PIGQ: variants seen among roughly 807,000 people sequenced by gnomAD.
PIGQ encodes phosphatidylinositol glycan anchor biosynthesis class Q.
Under a neutral mutation model 60.3 loss-of-function variants are expected in PIGQ, and 54 were observed. The ratio of observed to expected loss-of-function variants is 0.90; its 90% CI spans 0.72 to 1.12. The LOEUF is 1.12. Ranked by LOEUF, PIGQ falls within the 50% of genes most tolerant of loss-of-function variation. The pLI, the probability that PIGQ is intolerant of heterozygous loss-of-function variation, is 0.00. For synonymous variants in PIGQ, 416 were observed against 363.7 expected (o/e 1.14, Z -1.64); for missense variants, 799 against 793.5 (o/e 1.01, Z -0.08).
At position 576,186 on chromosome 16, in the gene PIGQ, C is replaced by A; in HGVS notation, c.874C>A (p.Leu292Met). 1.3e-6 allele frequency: 2 copies of A among 1,549,882 alleles called. No individual in the cohort carries two copies. Among genetic ancestry groups the A allele is most frequent in the Non-Finnish European group, 1.7e-6 (2 of 1,147,004 alleles). The change falls in exon 4 of 11, where the codon CTG (leucine) becomes ATG (methionine). Residue 292 changes from leucine to methionine, a missense_variant. Transcript: ENST00000321878. The stretch of plus-strand genomic sequence containing the variant: ...GCTGGACGTGGCCCTGGGCCTCATG[C>A]TGCTGTCCTGGCTCCACGGGAGAAG... ...VLLDVALGLM[L>M]LSWLHGRSRI...
chr16:574,559 T>G lies in PIGQ; in HGVS notation c.485T>G (p.Leu162Arg). 1.2e-6 allele frequency: 2 copies of G among 1,603,828 alleles called. No homozygotes were observed. The highest frequency in any genetic ancestry group is 1.7e-6 in the Non-Finnish European group (2 of 1,175,800). Reference sequence around the variant, plus strand: ...GCCACCACTGCCAGCACGGGGGGCCTGGCTGCCGTCTTCGACACGGTAGCA... The same window carrying G: ...GCCACCACTGCCAGCACGGGGGGCCGGGCTGCCGTCTTCGACACGGTAGCA... ...AGATTASTGG[L>R]AAVFDTVARS... Residue 162 changes from leucine (L) to arginine (R), a missense_variant, in exon 2 of 11, where the codon CTG becomes CGG. Physicochemically the swap from Leu to Arg is moderately radical, Grantham distance 102. Coordinates refer to ENST00000321878, the MANE Select transcript of PIGQ (RefSeq NM_004204.5).
At chr16:576,519 G>A (rs963535158) in intron 4 of PIGQ, 58 of 566,208 alleles carry the variant, frequency 1.0e-4, no homozygotes, top group African/African-American at 6.7e-4. Flanking sequence ...TGGGGAGCCC[G>A]CCTCTCCCTG....
At chr16:574,043 G>C (rs554432770) in intron 1 of PIGQ, 23 bp from the exon 2 acceptor site, 2 of 1,536,322 alleles carry the variant, frequency 1.3e-6, no homozygotes, top group South Asian at 1.2e-5. Context: ...GCTCTGAGCC[G>C]AGCCTCTCCT....
chr16:578,355 A>AGCGTGGCCCCTGTGTCCCTGCAGC (rs1567176399), intron 4 of PIGQ, 24 bp from the exon 5 acceptor site: 5 of 1,599,334 alleles, frequency 3.1e-6, no homozygotes, highest in Admixed American at 1.7e-5. Flanking sequence ...CCCCCGCCCC[A>AGCGTGGCCCCTGTGTCCCTGCAGC]GCGTGGCCCC....
intron 1 of PIGQ, chr16:572,636 C>T: frequency 2.2e-6 from 1 of 455,622 alleles, no homozygotes. Flanking sequence ...GTGGTGGGCT[C>T]TGAGACCTCC....
chr16:582,552 T>C (rs2035830587), intron 10 of PIGQ: 1 of 568,406 alleles, frequency 1.8e-6, no homozygotes. Flanking sequence ...CGCCCTTGGC[T>C]GGCTGGGGCT....
At chr16:579,048 C>A in intron 6 of PIGQ, 21 bp from the exon 7 acceptor site, 1 of 1,602,846 alleles carries the variant, frequency 6.2e-7, no homozygotes, top group Non-Finnish European at 8.5e-7. Context: ...GGGCCGGGCC[C>A]GACAGCACTG....
At chr16:577,647 A>G (rs1220638515) in intron 4 of PIGQ, among the ~76,000 whole-genome samples, 1 of 151,602 alleles carries the variant, frequency 6.6e-6, no homozygotes, top group Non-Finnish European at 1.5e-5. Flanking sequence ...GCCTTGGCCC[A>G]GGCTTGGAAG....
At chr16:575,247 T>G (rs1390669566) in intron 2 of PIGQ, among the ~76,000 whole-genome samples, 2 of 152,162 alleles carry the variant, frequency 1.3e-5, no homozygotes, top group Non-Finnish European at 2.9e-5. Context: ...AGGCCCTGCT[T>G]CTCTCCACAA....
At chr16:576,358 C>T (rs1406031266) in intron 4 of PIGQ, 104 bp downstream of exon 4, 38 of 1,302,990 alleles carry the variant, frequency 2.9e-5, no homozygotes, top group Non-Finnish European at 3.9e-5. Context: ...AAAGCCAGTT[C>T]TACCTTCTCC....
intron 6 of PIGQ, 38 bp downstream of exon 6, chr16:578,976 A>T: frequency 8.6e-7 from 1 of 1,156,836 alleles, no homozygotes; most frequent in Non-Finnish European, 1.1e-6. Context: ...GCCCCCTGGG[A>T]GGTGCAGAGG....
rs2035849697 is a variant in PIGQ at position 583,520 on chromosome 16, T to C, written c.*485T>C. 2 of 1,612,570 alleles carry C rather than the reference T, an allele frequency of 1.2e-6. No individual in the cohort carries two copies. The highest frequency in any genetic ancestry group is 1.7e-4 in the Middle Eastern group (1 of 6,060). ...TAGCTCCCTCAGCCGAACAGCACCC[T>C]GCATCTGGGGGATTGAAGCAGTCGC... On this transcript the variant is annotated 3_prime_UTR_variant, in exon 11 of 11. Coordinates refer to ENST00000321878, the MANE Select transcript of PIGQ (RefSeq NM_004204.5).
chr16:582,543 G>A, intron 10 of PIGQ: 3 of 568,976 alleles, frequency 5.3e-6, no homozygotes, highest in Non-Finnish European at 6.2e-6. Context: ...TGTCGGAGGC[G>A]CCCTTGGCTG....
intron 7 of PIGQ, chr16:579,970 G>A: frequency 2.2e-6 from 1 of 462,770 alleles, no homozygotes; most frequent in Non-Finnish European, 3.9e-6. Flanking sequence ...GGGTGGTCTG[G>A]CCCCCACCTG....
At position 583,978 on chromosome 16, in the gene PIGQ, G is replaced by T; in HGVS notation, c.*943G>T. Reference sequence around the variant, plus strand: ...GAGCCTGCAGGTGCCGGCTGGTGAGGGGATGACGCGCTGTGGGTGGGAGGA... The same window carrying T: ...GAGCCTGCAGGTGCCGGCTGGTGAGTGGATGACGCGCTGTGGGTGGGAGGA... On this transcript the variant is annotated 3_prime_UTR_variant, in exon 11 of 11. Transcript: ENST00000321878. 2.5e-6 allele frequency: 1 copy of T among 397,860 alleles called. No homozygotes were observed. The highest frequency in any genetic ancestry group is 4.8e-6 in the Non-Finnish European group (1 of 207,390). 24.6% of individuals were successfully genotyped at this position (397,860 alleles called of 1,614,324 possible). A position where few individuals can be genotyped will look rare whatever the true frequency, so the allele number is the denominator to read the frequency against.
intron 9 of PIGQ, 27 bp from the exon 10 acceptor site, chr16:582,221 C>T: frequency 6.6e-7 from 1 of 1,520,432 alleles, no homozygotes. Flanking sequence ...CACGCGTCCC[C>T]TCGTCAGCCG....
chr16:578,932 G>C lies in PIGQ; in HGVS notation c.1217G>C (p.Gly406Ala). 6.2e-7 allele frequency: 1 copy of C among 1,608,876 alleles called. No individual in the cohort carries two copies. The highest frequency in any genetic ancestry group is 8.5e-7 in the Non-Finnish European group (1 of 1,178,776). The change falls in exon 6 of 11, where the codon GGA (glycine) becomes GCA (alanine). Residue 406 changes from glycine to alanine, a missense_variant. Coordinates refer to ENST00000321878, the MANE Select transcript of PIGQ (RefSeq NM_004204.5). Reference sequence around the variant, plus strand: ...CACATCTACTGCTTTTACGTCTATGGAGCCAGGTGGGCGTGGGCTTCCCCC... The same window carrying C: ...CACATCTACTGCTTTTACGTCTATGCAGCCAGGTGGGCGTGGGCTTCCCCC... ...TFHIYCFYVY[G>A]ARLYCLKIHG...
chr16:579,167 A>G lies in PIGQ; in HGVS notation c.1322A>G (p.Tyr441Cys), dbSNP rs1286958837. The change falls in exon 7 of 11, where the codon TAT becomes TGT. Residue 441 changes from tyrosine (Y) to cysteine (C), a missense_variant. By Grantham distance (194) the Tyr-to-Cys change is radical (BLOSUM62 -2). Coordinates refer to ENST00000321878, the MANE Select transcript of PIGQ (RefSeq NM_004204.5). ...VLRQRVDSCS[Y>C]DLDQLFIGTL... ...CGCCAGCGCGTGGACTCCTGTTCCT[A>G]TGACCTGGACCAGGTATGGGGCAGG... 6.2e-7 allele frequency: 1 copy of G among 1,612,234 alleles called. No individual in the cohort carries two copies. Among genetic ancestry groups the G allele is most frequent in the East Asian group, 2.2e-5 (1 of 44,828 alleles).
chr16:576,050 C>T, intron 3 of PIGQ, 80 bp downstream of exon 3: 1 of 1,545,310 alleles, frequency 6.5e-7, no homozygotes, highest in Non-Finnish European at 8.7e-7. Flanking sequence ...ACCACGCTGA[C>T]CCCTCCGGCC....
Sources: allele counts gnomAD v4.1 joint callset (sites outside exome capture counted in the v4.1 genomes callset), GRCh38; gene constraint gnomAD v4.1.1; transcripts MANE v1.5; gene names NCBI Gene and HGNC (gene_info 2026-07-23, HGNC 2026-07-21).